The following PSMD2 variants were observed in gnomAD, a reference collection of about 807,000 sequenced individuals.
PSMD2 encodes the protein 26S proteasome non-ATPase regulatory subunit 2.
In PSMD2, 8 loss-of-function variants were observed where a neutral mutation model predicts 101.5. The ratio of observed to expected loss-of-function variants is 0.08; its 90% CI spans 0.05 to 0.14. The LOEUF is 0.14. Ranked by LOEUF, PSMD2 falls within the 10% of genes least tolerant of loss-of-function variation. The probability of loss-of-function intolerance (pLI) is 1.00; values close to 1 mark genes in which losing one functional copy is unlikely to be tolerated. For synonymous variants in PSMD2, 418 were observed against 433.8 expected (o/e 0.96, Z 0.45); for missense variants, 784 against 1,147.4 (o/e 0.68, Z 4.58).
At chr3:184,299,707 A>G in intron 1 of PSMD2, 144 bp from the exon 2 acceptor site, 2 of 718,358 alleles carry the variant, frequency 2.8e-6, no homozygotes, top group Non-Finnish European at 4.8e-6. Flanking sequence ...ATTTCTCACC[A>G]GGGCTTCCCA....
chr3:184,300,565 A>G, intron 3 of PSMD2, 121 bp downstream of exon 3: 1 of 1,459,834 alleles, frequency 6.9e-7, no homozygotes, highest in East Asian at 2.4e-5. Context: ...CTATTTGAGC[A>G]GAGTTCATCA....
rs1197580389 is a variant in PSMD2, at chr3:184,307,359, G to A, written c.2037G>A (p.Leu679=). 6.2e-7 allele frequency: 1 copy of A among 1,613,948 alleles called. No homozygotes were observed. The highest frequency in any genetic ancestry group is 1.1e-5 in the South Asian group (1 of 91,070). ...GTTGTATTTTCTTGGATCATCAGCT[G>A]AGATATGGGGAGCCTACACTCCGGA... ...EMALRTFGHL[L]RYGEPTLRRA... is the part of the protein sequence containing the mutation. The change falls in exon 17 of 21, where the codon CTG becomes CTA. Residue 679 remains leucine, a splice_region_variant and synonymous_variant. Coordinates refer to ENST00000310118, the MANE Select transcript of PSMD2 (RefSeq NM_002808.5).
intron 8 of PSMD2, 34 bp from the exon 9 acceptor site, chr3:184,303,283 CCTT>C (rs780644959): frequency 6.1e-5 from 97 of 1,599,258 alleles, no homozygotes; most frequent in Non-Finnish European, 7.7e-5. Flanking sequence ...CTACCTGAAA[CCTT>C]CTTTCCTTAC....
chr3:184,302,639 A>G, intron 6 of PSMD2, 40 bp from the exon 7 acceptor site: 2 of 1,613,624 alleles, frequency 1.2e-6, no homozygotes, highest in East Asian at 2.2e-5. Context: ...CTGTGCCCTT[A>G]GTGGACAGTG....
chr3:184,300,672 G>T, intron 3 of PSMD2: 2 of 1,290,928 alleles, frequency 1.5e-6, no homozygotes, highest in Non-Finnish European at 9.8e-7. Context: ...TCATTAGCAT[G>T]GTCTACTTTT....
At position 184,308,231 on chromosome 3, in the gene PSMD2, T is replaced by C. The variant is rs1721899496; in HGVS notation, c.2425+215T>C. Among the ~76,000 whole-genome samples, 1 of 152,186 alleles carries C rather than the reference T, an allele frequency of 6.6e-6. No individual in the cohort carries two copies. The highest frequency in any genetic ancestry group is 2.4e-5 in the African/African-American group (1 of 41,428). On this transcript the variant is annotated intron_variant, in intron 19 of 20. Coordinates refer to ENST00000310118, the MANE Select transcript of PSMD2 (RefSeq NM_002808.5). This position sits in a 1 kb window ranked among gnomAD's most constrained non-coding sequence, Gnocchi z 6.0. ...TGAGGGTGATGTGCCCAGCGTCTGC[T>C]CCTAAGTCACTGGGGAAATGCGATT...
rs1721916525 is a variant in PSMD2, at chr3:184,308,380, G to A, written c.2426-69G>A. 20 of 1,253,290 alleles carry A rather than the reference G, an allele frequency of 1.6e-5. No individual in the cohort carries two copies. The highest frequency in any genetic ancestry group is 2.3e-5 in the Non-Finnish European group (20 of 882,740). 77.6% of individuals were successfully genotyped at this position (1,253,290 alleles called of 1,614,324 possible). ...GGGTTAAAGGGTCAGCGCTGAGGTGGGCTCTCAATGTTTCTGGCCAGGCCT... is the reference window on the plus strand; with the variant it reads ...GGGTTAAAGGGTCAGCGCTGAGGTGAGCTCTCAATGTTTCTGGCCAGGCCT... On this transcript the variant is annotated intron_variant, in intron 19 of 20. Coordinates refer to ENST00000310118, the MANE Select transcript of PSMD2 (RefSeq NM_002808.5). The surrounding 1 kb of genome is among the most constrained non-coding windows in gnomAD (Gnocchi z 6.0).
rs750721705 is a variant in PSMD2 at position 184,307,741 on chromosome 3, G to A, written c.2298+33G>A. 2.7e-5 allele frequency: 43 copies of A among 1,608,138 alleles called. No homozygotes were observed. In the East Asian group the frequency reaches 4.2e-4, roughly 16 times the overall value. ...ATAGAACTCCTCCACAGAGCGTGCCGGGGAAGTATCTGTGGTGATGGAAGG... is the reference window on the plus strand; with the variant it reads ...ATAGAACTCCTCCACAGAGCGTGCCAGGGAAGTATCTGTGGTGATGGAAGG... On this transcript the variant is annotated intron_variant, in intron 18 of 20. Coordinates refer to ENST00000310118, the MANE Select transcript of PSMD2 (RefSeq NM_002808.5).
At chr3:184,306,876 T>C in intron 16 of PSMD2, 42 bp downstream of exon 16, 1 of 1,518,038 alleles carries the variant, frequency 6.6e-7, no homozygotes, top group Non-Finnish European at 9.0e-7. Context: ...CTGGTTTTGA[T>C]GGCCTGGGGT....
intron 3 of PSMD2, 65 bp downstream of exon 3, chr3:184,300,509 G>C (rs1348758632): frequency 6.2e-5 from 96 of 1,556,772 alleles, no homozygotes; most frequent in Non-Finnish European, 8.3e-5. Flanking sequence ...GATCATGGGG[G>C]GACTCATTGT....
rs754976195 is a variant in PSMD2, at chr3:184,304,297, T to G, written c.1452-7T>G. ...TGTTGGGGACCGCCTTTCCATGGCT[T>G]TTGCAGGCTAGGCTTGGCTTATGCT... On this transcript the variant is annotated splice_polypyrimidine_tract_variant and splice_region_variant and intron_variant, in intron 11 of 20. Transcript: ENST00000310118. This position sits in a 1 kb window ranked among gnomAD's most constrained non-coding sequence, Gnocchi z 4.1. 2.3e-5 allele frequency: 37 copies of G among 1,614,044 alleles called. No homozygotes were observed. The highest frequency in any genetic ancestry group is 3.1e-5 in the Non-Finnish European group (37 of 1,179,984).
Position 184,304,719 on chromosome 3 carries a change from C to G in PSMD2, c.1539+328C>G, listed in dbSNP as rs1417981099. The stretch of plus-strand genomic sequence containing the variant: ...TGGGCAAGATTGTGAAACCCCATTT[C>G]TACCAAAAAATAAACAGAAAAATTA... On this transcript the variant is annotated intron_variant, in intron 12 of 20. Coordinates refer to ENST00000310118, the MANE Select transcript of PSMD2 (RefSeq NM_002808.5). This position sits in a 1 kb window ranked among gnomAD's most constrained non-coding sequence, Gnocchi z 4.1. 6.6e-6 allele frequency among the ~76,000 whole-genome samples: 1 copy of G among 152,044 alleles called. No homozygotes were observed. Among genetic ancestry groups the G allele is most frequent in the Non-Finnish European group, 1.5e-5 (1 of 68,014 alleles).
rs376549573 is a variant in PSMD2 at position 184,301,829 on chromosome 3, G to T, written c.480-18G>T. 45 of 1,613,960 alleles carry T rather than the reference G, an allele frequency of 2.8e-5. No individual in the cohort carries two copies. The South Asian group carries it at 4.7e-4, about 17-fold the overall frequency. On this transcript the variant is annotated intron_variant, in intron 4 of 20. Coordinates refer to ENST00000310118, the MANE Select transcript of PSMD2 (RefSeq NM_002808.5). ...CCCCTGAAGCTGTGCTCTCTTAATC[G>T]TCTGGGACTATCTGTAGGCATCTGG... is the stretch of plus-strand genomic sequence containing the variant.
At position 184,308,630 on chromosome 3, in the gene PSMD2, C is replaced by T; in HGVS notation, c.2544+63C>T. 1.3e-6 allele frequency: 2 copies of T among 1,585,688 alleles called. No individual in the cohort carries two copies. Among genetic ancestry groups the T allele is most frequent in the South Asian group, 2.2e-5 (2 of 89,922 alleles). ...TCTCAAACTGGAGAATGTACATATA[C>T]TTGCTTTGCTGAAACTGGCGTGGGC... On this transcript the variant is annotated intron_variant, in intron 20 of 20. Transcript: ENST00000310118. This position sits in a 1 kb window ranked among gnomAD's most constrained non-coding sequence, Gnocchi z 6.0.
At chr3:184,299,469 C>G in intron 1 of PSMD2, 68 bp downstream of exon 1, 1 of 1,310,792 alleles carries the variant, frequency 7.6e-7, no homozygotes, top group South Asian at 2.1e-5. Context: ...CCGCAGGCCT[C>G]AGGCCCGACA....
intron 2 of PSMD2, 81 bp from the exon 3 acceptor site, chr3:184,300,199 G>A (rs944837227): frequency 2.2e-6 from 3 of 1,359,044 alleles, no homozygotes; most frequent in East Asian, 2.3e-5. Context: ...CCTTGGAGGA[G>A]TTGTTAAGTT....
Position 184,304,507 on chromosome 3 carries a change from C to T in PSMD2, c.1539+116C>T. ...GTGCATGTGTGCATACATGTACATG[C>T]CTGTTGGTGTGTATTGAGGGGCGTC... On this transcript the variant is annotated intron_variant, in intron 12 of 20. Coordinates refer to ENST00000310118, the MANE Select transcript of PSMD2 (RefSeq NM_002808.5). This position sits in a 1 kb window ranked among gnomAD's most constrained non-coding sequence, Gnocchi z 4.1. 1 of 1,048,414 alleles carries T rather than the reference C, an allele frequency of 9.5e-7. No homozygotes were observed. The highest frequency in any genetic ancestry group is 1.5e-6 in the Non-Finnish European group (1 of 683,734). The allele number at this position is 1,048,414 out of a possible 1,614,324, so 64.9% of individuals were successfully genotyped here.
intron 1 of PSMD2, 109 bp downstream of exon 1, chr3:184,299,510 C>T: frequency 7.8e-7 from 1 of 1,288,294 alleles, no homozygotes; most frequent in Non-Finnish European, 9.9e-7. Context: ...AGGGAGAGGG[C>T]GGTTGGGGCG....
In PSMD2 at chr3:184,308,946, G is replaced by A; in HGVS notation, c.*56G>A. On this transcript the variant is annotated 3_prime_UTR_variant, in exon 21 of 21. Coordinates refer to ENST00000310118, the MANE Select transcript of PSMD2 (RefSeq NM_002808.5). This position sits in a 1 kb window ranked among gnomAD's most constrained non-coding sequence, Gnocchi z 6.0. ...ATGTTATCAGCAGGCCATGCATCCTGCTGCCAAGGGTGGACACGGCTGCAG... is the reference window on the plus strand; with the variant it reads ...ATGTTATCAGCAGGCCATGCATCCTACTGCCAAGGGTGGACACGGCTGCAG... The A allele has an allele frequency of 6.5e-7, 1 of 1,539,404 alleles. No homozygotes were observed. The highest frequency in any genetic ancestry group is 8.8e-7 in the Non-Finnish European group (1 of 1,130,240).
Sources: gnomAD v4.1 joint callset for allele counts (sites outside exome capture counted in the v4.1 genomes callset) on GRCh38, gnomAD v4.1.1 for gene constraint, Gnocchi (gnomAD v3.1) non-coding constraint, MANE v1.5 for transcripts, NCBI Gene and HGNC (gene_info 2026-07-23, HGNC 2026-07-21) for gene names.